Variants in EFCAB5 observed in about 807,000 individuals in gnomAD.
EFCAB5 encodes the protein EF-hand calcium-binding domain-containing protein 5.
EFCAB5 carries 131 observed loss-of-function variants against 167.9 expected under a neutral mutation model. The ratio of observed to expected loss-of-function variants is 0.78; its 90% CI spans 0.68 to 0.90. The LOEUF (loss-of-function observed/expected upper bound fraction) is 0.90. Ranked by LOEUF, EFCAB5 falls within the 40% of genes least tolerant of loss-of-function variation. The probability of loss-of-function intolerance (pLI) is 0.00; values close to 1 mark genes in which losing one functional copy is unlikely to be tolerated. For missense variants in EFCAB5, 1,663 were observed against 1,745.2 expected, an observed-to-expected ratio of 0.95 and a Z score of 0.84; for synonymous variants, 574 against 602.8, an observed-to-expected ratio of 0.95 and a Z score of 0.70.
intron 3 of EFCAB5, among the ~76,000 whole-genome samples, chr17:29,944,629 T>G (rs959507397): frequency 2.0e-5 from 3 of 149,608 alleles, no homozygotes; most frequent in East Asian, 1.9e-4. Flanking sequence ...TTTGTTTTGT[T>G]TTTTTTTTTT....
chr17:29,954,630 T>C (rs566654642), intron 3 of EFCAB5, among the ~76,000 whole-genome samples: 7 of 152,308 alleles, frequency 4.6e-5, no homozygotes, highest in African/African-American at 1.2e-4. Flanking sequence ...ACTAGGGCAG[T>C]GTGGCAGGGA....
At chr17:29,979,185 A>T (rs2068122118) in intron 4 of EFCAB5, among the ~76,000 whole-genome samples, 2 of 152,116 alleles carry the variant, frequency 1.3e-5, no homozygotes, top group South Asian at 4.1e-4. Flanking sequence ...CCCTGTCTCT[A>T]CTAAAAATAC....
rs2069561651 is a variant in EFCAB5 at position 30,034,344 on chromosome 17, CA to C, written c.1160del (p.Gln387ArgfsTer15). The C allele has an allele frequency of 1.9e-6, 3 of 1,611,144 alleles. No homozygotes were observed. The East Asian group carries it at 6.7e-5, about 36-fold the overall frequency. ...GGTCATAAAAGCTGACATGCGGAGGCAGATGTTCGCTGAACTCTTCCTACAT... is the reference window on the plus strand; with the variant it reads ...GGTCATAAAAGCTGACATGCGGAGGCGATGTTCGCTGAACTCTTCCTACAT... ...REVIKADMRR[Q>X]MFAELFLHCD... is the part of the protein sequence containing the mutation. On this transcript the variant is annotated frameshift_variant, in exon 8 of 23. Coordinates refer to ENST00000394835, the MANE Select transcript of EFCAB5 (RefSeq NM_198529.4). LOFTEE classifies it high-confidence loss of function.
intron 1 of EFCAB5, among the ~76,000 whole-genome samples, chr17:29,933,893 G>T (rs570090967): frequency 2.0e-5 from 3 of 152,088 alleles, no homozygotes; most frequent in Non-Finnish European, 4.4e-5. Context: ...GACATCCATA[G>T]AAATAGTATT....
intron 2 of EFCAB5, 88 bp downstream of exon 2, chr17:29,942,390 T>C: frequency 1.6e-6 from 2 of 1,241,712 alleles, no homozygotes; most frequent in African/African-American, 1.5e-5. Flanking sequence ...AAGATGTGGG[T>C]ATTCAAAAAG....
rs756636833 is a variant in EFCAB5, at chr17:30,091,823, T to C, written c.3938-48T>C. ...CCTATGAAAAAGTAATGTACAGCAA[T>C]GTACATTAGACTGAACAGCAATGTG... On this transcript the variant is annotated intron_variant, in intron 20 of 22. Coordinates refer to ENST00000394835, the MANE Select transcript of EFCAB5 (RefSeq NM_198529.4). The C allele has an allele frequency of 4.4e-6, 7 of 1,588,470 alleles. No homozygotes were observed. In the South Asian group the frequency reaches 8.0e-5, roughly 18 times the overall value.
chr17:30,083,522 T>A (rs2071030631), intron 18 of EFCAB5, among the ~76,000 whole-genome samples: 1 of 152,216 alleles, frequency 6.6e-6, no homozygotes, highest in African/African-American at 2.4e-5. Context: ...TAGCGCAATC[T>A]CAGCTTACCT....
At chr17:29,952,022 T>G (rs1051910623) in intron 3 of EFCAB5, among the ~76,000 whole-genome samples, 11 of 152,134 alleles carry the variant, frequency 7.2e-5, no homozygotes, top group African/African-American at 2.4e-4. Flanking sequence ...ATAAACAGTG[T>G]AAATTTAGTG....
intron 17 of EFCAB5, 22 bp downstream of exon 17, chr17:30,081,003 G>A: frequency 1.3e-6 from 2 of 1,583,322 alleles, no homozygotes; most frequent in Non-Finnish European, 1.7e-6. Context: ...AAGTCTTCAA[G>A]AGCGATGGTA....
At chr17:30,042,954 G>A (rs146149092) in intron 8 of EFCAB5, among the ~76,000 whole-genome samples, 62 of 152,198 alleles carry the variant, frequency 4.1e-4, no homozygotes, top group Middle Eastern at 3.4e-3. Context: ...ATCAAATAGA[G>A]CTTAATCCAG....
chr17:29,954,619 T>C (rs1597575293), intron 3 of EFCAB5, among the ~76,000 whole-genome samples: 1 of 152,214 alleles, frequency 6.6e-6, no homozygotes, highest in South Asian at 2.1e-4. Context: ...GGAGTACCTC[T>C]ACTAGGGCAG....
At chr17:29,951,352 T>G (rs1229960380) in intron 3 of EFCAB5, among the ~76,000 whole-genome samples, 1 of 152,116 alleles carries the variant, frequency 6.6e-6, no homozygotes, top group Non-Finnish European at 1.5e-5. Context: ...TTTGGTTTGG[T>G]TTTGAGACGG....
chr17:30,105,517 A>C (rs1434899244), intron 22 of EFCAB5, among the ~76,000 whole-genome samples: 1 of 152,094 alleles, frequency 6.6e-6, no homozygotes, highest in Non-Finnish European at 1.5e-5. Context: ...AAAACAAAAC[A>C]AAAAACAGAA....
At chr17:30,021,373 AT>A (rs1206041281) in intron 7 of EFCAB5, among the ~76,000 whole-genome samples, 1 of 147,748 alleles carries the variant, frequency 6.8e-6, no homozygotes, top group Admixed American at 6.8e-5. Context: ...ATATATAAAT[AT>A]TTTTACATTT....
At chr17:30,049,029 T>G (rs559945976) in intron 8 of EFCAB5, among the ~76,000 whole-genome samples, 1 of 152,200 alleles carries the variant, frequency 6.6e-6, no homozygotes, top group East Asian at 1.9e-4. Flanking sequence ...TCTATCGTAA[T>G]CTAGTATACA....
At chr17:29,985,847 TTTTGGGGTCAGTTTATGGCCAGA>T (rs1486947616) in intron 4 of EFCAB5, among the ~76,000 whole-genome samples, 1 of 152,176 alleles carries the variant, frequency 6.6e-6, no homozygotes, top group Non-Finnish European at 1.5e-5. Context: ...TTATGGCCAG[TTTTGGGGTCAGTTTATGGCCAGA>T]TTTGGGGTCC....
At chr17:29,958,756 C>A (rs2067665150) in intron 3 of EFCAB5, among the ~76,000 whole-genome samples, 1 of 152,030 alleles carries the variant, frequency 6.6e-6, no homozygotes, top group South Asian at 2.1e-4. Context: ...TTGTTTGTAC[C>A]CATCCTTCTT....
intron 7 of EFCAB5, among the ~76,000 whole-genome samples, chr17:30,002,966 GT>G (rs1385065806): frequency 6.6e-6 from 1 of 151,856 alleles, no homozygotes; most frequent in Non-Finnish European, 1.5e-5. Context: ...GTAAAGTATT[GT>G]TTTTCTCTTG....
rs757501954 is a variant in EFCAB5 at position 30,057,682 on chromosome 17, A to T, written c.2372A>T (p.His791Leu). The change falls in exon 13 of 23, where the codon CAC (histidine) becomes CTC (leucine). Residue 791 changes from histidine to leucine, a missense_variant. Coordinates refer to ENST00000394835, the MANE Select transcript of EFCAB5 (RefSeq NM_198529.4). ...AATGTTTCTTGCTTGACAGATTTAC[A>T]CTCAATTATCAGAAATATTCAGTCT... ...IYGNSRFTDLHSIIRNIQSCK... is the reference protein window; with the variant it reads ...IYGNSRFTDLLSIIRNIQSCK... The T allele has an allele frequency of 2.5e-6, 4 of 1,611,886 alleles. No homozygotes were observed. In the South Asian group the frequency reaches 4.4e-5, roughly 18 times the overall value.
Sources: allele counts gnomAD v4.1 joint callset (sites outside exome capture counted in the v4.1 genomes callset), GRCh38; gene constraint gnomAD v4.1.1; transcripts MANE v1.5; gene names NCBI Gene and HGNC (gene_info 2026-07-23, HGNC 2026-07-21).